Variants in KCNG4 observed in about 807,000 individuals in gnomAD.
KCNG4 encodes the protein potassium voltage-gated channel modifier subfamily G member 4.
In KCNG4, 30 loss-of-function variants were observed where a neutral mutation model predicts 28.2. The ratio of observed to expected loss-of-function variants is 1.06; its 90% confidence interval spans 0.80 to 1.44. The LOEUF is 1.44. KCNG4 is among the 40% of genes most tolerant of loss of function. The pLI is 0.00. For synonymous variants in KCNG4, 375 were observed against 315.5 expected (o/e 1.19, Z -2.00); for missense variants, 879 against 712.3 (o/e 1.23, Z -2.66).
intron 2 of KCNG4, among the ~76,000 whole-genome samples, chr16:84,224,909 C>G (rs946757106): frequency 6.6e-6 from 1 of 152,196 alleles, no homozygotes; most frequent in African/African-American, 2.4e-5. Context: ...TGTCTAGTTA[C>G]AATACTCTCA....
Position 84,236,869 on chromosome 16 carries a change from C to A in KCNG4, c.617G>T (p.Arg206Leu), listed in dbSNP as rs1000308309. 1 of 1,613,586 alleles carries A rather than the reference C, an allele frequency of 6.2e-7. No homozygotes were observed. Among genetic ancestry groups the A allele is most frequent in the Non-Finnish European group, 8.5e-7 (1 of 1,180,010 alleles). ...CGGGTTTTCCACCATCTCGCGCAGC[C>A]GGTTCATGCACAGGCCCCAGCGCGA... The part of the protein sequence containing the change: ...HSSRWGLCMN[R>L]LREMVENPQS... The change falls in exon 2 of 3, where the codon CGG (arginine) becomes CTG (leucine). Residue 206 changes from arginine (R) to leucine (L), a missense_variant. Arg to Leu is a moderately radical substitution (Grantham distance 102). Transcript: ENST00000308251.
chr16:84,229,747 C>T (rs1904782482), intron 2 of KCNG4, among the ~76,000 whole-genome samples: 1 of 152,154 alleles, frequency 6.6e-6, no homozygotes, highest in African/African-American at 2.4e-5. Flanking sequence ...GCAGAGGAAA[C>T]AGTGTCACCT....
At position 84,224,403 on chromosome 16, in the gene KCNG4, TACAC is replaced by T. The variant is rs58296563; in HGVS notation, c.757-1387_757-1384del. Among the ~76,000 whole-genome samples, 55 of 58,654 alleles carry T rather than the reference TACAC, an allele frequency of 9.4e-4. 1 individual carries two copies. Among genetic ancestry groups the T allele is most frequent in the Middle Eastern group, 7.1e-3 (1 of 140 alleles). 38.5% of individuals were successfully genotyped at this position (58,654 alleles called of 152,430 possible). Reference sequence around the variant, plus strand: ...GGTAGAAAACTTTGCTATACATATTTACACACACACACACACACACACACACACA... The same window carrying T: ...GGTAGAAAACTTTGCTATACATATTTACACACACACACACACACACACACA... On this transcript the variant is annotated intron_variant, in intron 2 of 2. Transcript: ENST00000308251.
chr16:84,226,249 G>A lies in KCNG4; in HGVS notation c.757-3229C>T, dbSNP rs147792907. ...CGATGAATCCCACAGGCATGATGTG[G>A]AGCAAAGCAAGCCGGGTGTGTGTTT... is the stretch of plus-strand genomic sequence containing the variant. On this transcript the variant is annotated intron_variant, in intron 2 of 2. Transcript: ENST00000308251. This position sits in a 1 kb window ranked among gnomAD's most constrained non-coding sequence, Gnocchi z 4.1. 6.6e-6 allele frequency among the ~76,000 whole-genome samples: 1 copy of A among 152,206 alleles called. No homozygotes were observed. Among genetic ancestry groups the A allele is most frequent in the Non-Finnish European group, 1.5e-5 (1 of 68,046 alleles).
chr16:84,232,085 C>A (rs1321542230), intron 2 of KCNG4, among the ~76,000 whole-genome samples: 1 of 150,858 alleles, frequency 6.6e-6, no homozygotes, highest in African/African-American at 2.4e-5. Context: ...GCCATGGGAA[C>A]AGAATCTTGG....
intron 2 of KCNG4, among the ~76,000 whole-genome samples, chr16:84,231,489 C>T (rs1332962366): frequency 3.9e-5 from 6 of 151,976 alleles, no homozygotes; most frequent in East Asian, 1.9e-4. Context: ...GGAGAGGGTG[C>T]GAGGGATGCA....
In KCNG4 at chr16:84,222,991, A is replaced by T. The variant is rs762083136; in HGVS notation, c.786T>A (p.Ile262=). Reference sequence around the variant, plus strand: ...CCACGCAGATGGTCTCCACGATGAAAATATAGTAGCACTTCCGAGAGCATT... The same window carrying T: ...CCACGCAGATGGTCTCCACGATGAATATATAGTAGCACTTCCGAGAGCATT... ...QGECSRKCYY[I]FIVETICVAW... is the part of the protein sequence containing the mutation. The change falls in exon 3 of 3, where the codon ATT becomes ATA. Residue 262 remains isoleucine (I), a synonymous_variant. Transcript: ENST00000308251. 6.5e-7 allele frequency: 1 copy of T among 1,539,296 alleles called. No individual in the cohort carries two copies. The highest frequency in any genetic ancestry group is 2.3e-5 in the East Asian group (1 of 44,048).
chr16:84,231,947 T>C (rs1167465251), intron 2 of KCNG4, among the ~76,000 whole-genome samples: 2 of 143,174 alleles, frequency 1.4e-5, no homozygotes, highest in African/African-American at 2.6e-5. Flanking sequence ...GAGGTTGCAG[T>C]GAGCTGAGAT....
At chr16:84,232,896 C>CAAAAAAA (rs60683135) in intron 2 of KCNG4, among the ~76,000 whole-genome samples, 10 of 107,970 alleles carry the variant, frequency 9.3e-5, no homozygotes, top group East Asian at 2.6e-4. Flanking sequence ...GAAACCCTAT[C>CAAAAAAA]AAAAAAAAAA....
chr16:84,232,791 C>G (rs985606193), intron 2 of KCNG4, among the ~76,000 whole-genome samples: 3 of 150,770 alleles, frequency 2.0e-5, no homozygotes, highest in Non-Finnish European at 4.4e-5. Context: ...CCCAGCTGCT[C>G]AGGAGGCTGA....
At chr16:84,239,261 C>A (rs1187929132) in intron 1 of KCNG4, among the ~76,000 whole-genome samples, 2 of 152,206 alleles carry the variant, frequency 1.3e-5, no homozygotes, top group African/African-American at 4.8e-5. Flanking sequence ...TTACTTTGCT[C>A]ACAGGGAATG....
At chr16:84,223,070 G>C in intron 2 of KCNG4, 50 bp from the exon 3 acceptor site, 2 of 1,430,698 alleles carry the variant, frequency 1.4e-6, no homozygotes, top group Non-Finnish European at 1.9e-6. Flanking sequence ...ACTTGCAACT[G>C]TGCTGGAAAT....
At chr16:84,227,065 C>G (rs1031875813) in intron 2 of KCNG4, among the ~76,000 whole-genome samples, 5 of 151,980 alleles carry the variant, frequency 3.3e-5, no homozygotes, top group African/African-American at 4.8e-5. Context: ...TTGACATCCA[C>G]TAGGATGGCT....
Position 84,237,455 on chromosome 16 carries a change from G to A in KCNG4, c.31C>T (p.His11Tyr), listed in dbSNP as rs369959030. The A allele has an allele frequency of 1.7e-5, 25 of 1,501,768 alleles. No homozygotes were observed. In the African/African-American group the frequency reaches 3.2e-4, roughly 19 times the overall value. 93.0% of individuals were successfully genotyped at this position (1,501,768 alleles called of 1,614,324 possible). Residue 11 changes from histidine to tyrosine, a missense_variant, in exon 2 of 3, where the codon CAT becomes TAT. His to Tyr is a moderately conservative substitution (Grantham distance 83). Coordinates refer to ENST00000308251, the MANE Select transcript of KCNG4 (RefSeq NM_172347.3). MPMPSRDGGL[H>Y]PRHHHYGSHS... is the part of the protein sequence containing the mutation. ...GAACCATAGTGGTGGTGTCTGGGATGCAGGCCCCCGTCTCTGGAAGGCATG... is the reference window on the plus strand; with the variant it reads ...GAACCATAGTGGTGGTGTCTGGGATACAGGCCCCCGTCTCTGGAAGGCATG...
intron 2 of KCNG4, among the ~76,000 whole-genome samples, chr16:84,227,918 TGGA>T (rs1005597287): frequency 1.3e-5 from 2 of 151,832 alleles, no homozygotes; most frequent in Non-Finnish European, 2.9e-5. Flanking sequence ...CGGGGCTGGA[TGGA>T]GGAGGAGGGT....
At chr16:84,238,012 C>G (rs893062853) in intron 1 of KCNG4, among the ~76,000 whole-genome samples, 12 of 152,186 alleles carry the variant, frequency 7.9e-5, no homozygotes, top group African/African-American at 2.9e-4. Context: ...ACTGCCAGCA[C>G]AGGTGGGTTA....
intron 2 of KCNG4, among the ~76,000 whole-genome samples, chr16:84,228,813 C>A (rs1002349507): frequency 6.6e-6 from 1 of 152,232 alleles, no homozygotes; most frequent in Non-Finnish European, 1.5e-5. Context: ...CCGGGAGACC[C>A]GCTGAGGGAT....
In KCNG4 at chr16:84,237,268, G is replaced by A. The variant is rs776684738; in HGVS notation, c.218C>T (p.Pro73Leu). Residue 73 changes from proline (P) to leucine (L), a missense_variant, in exon 2 of 3, where the codon CCC becomes CTC. Transcript: ENST00000308251. ...INVGGRRYLL[P>L]WSTLDRFPLS... is the part of the protein sequence containing the mutation. ...CGGGAACCGGTCCAGTGTGCTCCAG[G>A]GGAGGAGATACCTCCTGCCCCCCAC... The A allele has an allele frequency of 4.3e-6, 7 of 1,611,804 alleles. No individual in the cohort carries two copies. Among genetic ancestry groups the A allele is most frequent in the African/African-American group, 2.7e-5 (2 of 74,866 alleles).
At chr16:84,229,310 A>G (rs1904771468) in intron 2 of KCNG4, among the ~76,000 whole-genome samples, 1 of 152,176 alleles carries the variant, frequency 6.6e-6, no homozygotes, top group Admixed American at 6.5e-5. Context: ...AAAGAAAAAA[A>G]AAAAGCAGCT....
Sources: allele counts gnomAD v4.1 joint callset (sites outside exome capture counted in the v4.1 genomes callset), GRCh38; gene constraint gnomAD v4.1.1; non-coding constraint Gnocchi (gnomAD v3.1); transcripts MANE v1.5; gene names NCBI Gene and HGNC (gene_info 2026-07-23, HGNC 2026-07-21).